AGBL1: variants seen among roughly 807,000 people sequenced by gnomAD.
The protein encoded by AGBL1 is AGBL carboxypeptidase 1.
In AGBL1, 130 loss-of-function variants were observed where a neutral mutation model predicts 118.9. That is an observed-to-expected ratio of 1.09 (90% confidence interval 0.95 to 1.26). AGBL1 has a LOEUF of 1.26. AGBL1 is among the 50% of genes most tolerant of loss of function. The pLI, the probability that AGBL1 is intolerant of heterozygous loss-of-function variation, is 0.00. For missense variants in AGBL1, 1,584 were observed against 1,298.1 expected (o/e 1.22, Z -3.38); for synonymous variants, 555 against 478.9 (o/e 1.16, Z -2.08).
At chr15:86,754,747 G>A (rs963782655) in intron 22 of AGBL1, among the ~76,000 whole-genome samples, 2 of 152,086 alleles carry the variant, frequency 1.3e-5, no homozygotes, top group Non-Finnish European at 2.9e-5. Context: ...CCTGCATAAA[G>A]TGGTTTCTTT....
intron 22 of AGBL1, among the ~76,000 whole-genome samples, chr15:86,879,674 T>G (rs949028871): frequency 2.0e-5 from 3 of 152,174 alleles, no homozygotes; most frequent in African/African-American, 7.2e-5. Flanking sequence ...TCCTTTGGCT[T>G]GATGTTCCAG....
At chr15:86,391,856 T>C (rs1413579334) in intron 17 of AGBL1, among the ~76,000 whole-genome samples, 1 of 152,088 alleles carries the variant, frequency 6.6e-6, no homozygotes, top group Non-Finnish European at 1.5e-5. Flanking sequence ...CTCAGACGTT[T>C]GCAAATACGT....
intron 21 of AGBL1, among the ~76,000 whole-genome samples, chr15:86,563,673 T>C (rs2083866784): frequency 6.6e-6 from 1 of 152,174 alleles, no homozygotes; most frequent in Non-Finnish European, 1.5e-5. Context: ...TGAGTTCAAT[T>C]CCTGGATATC....
chr15:86,148,275 A>G (rs773447688), intron 3 of AGBL1, among the ~76,000 whole-genome samples: 3 of 152,216 alleles, frequency 2.0e-5, no homozygotes, highest in Non-Finnish European at 4.4e-5. Flanking sequence ...TGGATGGAGA[A>G]TGACTGATGA....
Position 86,544,182 on chromosome 15 carries a change from C to T in AGBL1, c.2686-1820C>T, listed in dbSNP as rs542667419. Reference sequence around the variant, plus strand: ...TGCATTATGATTCCTCTGCTCTGACCCAGGTTGGCTAGGACTGGATGGTCT... The same window carrying T: ...TGCATTATGATTCCTCTGCTCTGACTCAGGTTGGCTAGGACTGGATGGTCT... On this transcript the variant is annotated intron_variant, in intron 19 of 22. Transcript: ENST00000614907. 3.3e-5 allele frequency among the ~76,000 whole-genome samples: 5 copies of T among 152,260 alleles called. No homozygotes were observed. The East Asian group carries it at 9.7e-4, about 29-fold the overall frequency.
chr15:86,898,731 G>C (rs185816663), intron 22 of AGBL1, among the ~76,000 whole-genome samples: 1 of 151,924 alleles, frequency 6.6e-6, no homozygotes, highest in Non-Finnish European at 1.5e-5. Flanking sequence ...GGCAAAGGAC[G>C]TGAACAGATA....
intron 22 of AGBL1, among the ~76,000 whole-genome samples, chr15:86,743,367 G>T (rs902644504): frequency 2.0e-5 from 3 of 152,048 alleles, no homozygotes; most frequent in Non-Finnish European, 4.4e-5. Flanking sequence ...CACTCCCCTA[G>T]GTTCTGGGGA....
At chr15:87,021,991 G>A (rs2081669385) in intron 24 of AGBL1, among the ~76,000 whole-genome samples, 1 of 152,114 alleles carries the variant, frequency 6.6e-6, no homozygotes, top group African/African-American at 2.4e-5. Flanking sequence ...AAAATCCCCA[G>A]TACTGGCCCA....
chr15:86,541,593 C>CAAAAAAAA (rs34178328), intron 19 of AGBL1, among the ~76,000 whole-genome samples: 1 of 58,194 alleles, frequency 1.7e-5, no homozygotes, highest in African/African-American at 7.0e-5. Context: ...GACTATGTCT[C>CAAAAAAAA]AAAAAAAAAA....
intron 1 of AGBL1, among the ~76,000 whole-genome samples, chr15:86,130,948 A>G (rs2076811106): frequency 6.6e-6 from 1 of 152,194 alleles, no homozygotes; most frequent in South Asian, 2.1e-4. Context: ...TGGTCTGGAC[A>G]TTTAAGATTG....
At chr15:86,671,038 A>C (rs545916635) in intron 21 of AGBL1, among the ~76,000 whole-genome samples, 4 of 152,082 alleles carry the variant, frequency 2.6e-5, no homozygotes, top group Admixed American at 2.6e-4. Context: ...CTTGCCTGAC[A>C]CTCATTTCTA....
intron 21 of AGBL1, among the ~76,000 whole-genome samples, chr15:86,649,811 T>A (rs2085341328): frequency 6.6e-6 from 1 of 152,080 alleles, no homozygotes; most frequent in Admixed American, 6.6e-5. Context: ...TGTGTGGTGT[T>A]ATATACAATT....
At chr15:86,318,491 G>GA (rs2080052202) in intron 17 of AGBL1, among the ~76,000 whole-genome samples, 1 of 146,092 alleles carries the variant, frequency 6.8e-6, no homozygotes, top group Non-Finnish European at 1.5e-5. Flanking sequence ...TTTACTCAAT[G>GA]TTTTTTTTTT....
At chr15:86,568,349 A>G (rs2083948512) in intron 21 of AGBL1, among the ~76,000 whole-genome samples, 2 of 152,152 alleles carry the variant, frequency 1.3e-5, no homozygotes, top group South Asian at 4.2e-4. Context: ...AGGATGAGCA[A>G]TGCCCCCAAG....
At position 87,016,176 on chromosome 15, in the gene AGBL1, G is replaced by A. The variant is rs183161415; in HGVS notation, c.3324-12649G>A. Among the ~76,000 whole-genome samples, 459 of 152,204 alleles carry A rather than the reference G, an allele frequency of 3.0e-3. 1 individual carries two copies. The highest frequency in any genetic ancestry group is 5.3e-3 in the Non-Finnish European group (360 of 68,004). ...TCTTGTTTAAAACGCAAACTCTCAAGTAACCCTTAAGGAGAATCTGACCCA... is the reference window on the plus strand; with the variant it reads ...TCTTGTTTAAAACGCAAACTCTCAAATAACCCTTAAGGAGAATCTGACCCA... On this transcript the variant is annotated intron_variant, in intron 24 of 24. Coordinates refer to the AGBL1 transcript ENST00000441037.
chr15:86,271,043 ATTTTTTTTT>A (rs58166692), intron 14 of AGBL1, among the ~76,000 whole-genome samples: 1 of 89,062 alleles, frequency 1.1e-5, no homozygotes, highest in Non-Finnish European at 2.0e-5. Flanking sequence ...GTCACGTTGC[ATTTTTTTTT>A]TTTTTTTTTT....
intron 19 of AGBL1, among the ~76,000 whole-genome samples, chr15:86,540,595 A>G (rs537325027): frequency 6.6e-6 from 1 of 152,260 alleles, no homozygotes; most frequent in Non-Finnish European, 1.5e-5. Context: ...TTAAAAAAAA[A>G]TAGGGCTATT....
chr15:86,285,557 C>T (rs2079428731), intron 16 of AGBL1, among the ~76,000 whole-genome samples: 1 of 152,134 alleles, frequency 6.6e-6, no homozygotes, highest in Non-Finnish European at 1.5e-5. Context: ...CTTTGCTGTT[C>T]TTTCACCTTC....
rs746425681 is a variant in AGBL1, at chr15:86,910,484, G to C, written c.*3190G>C. The stretch of plus-strand genomic sequence containing the variant: ...AAGAGCTTTCAGCAGAGGCATGCCC[G>C]TGACTGATATCAGCGCCATTTTTCC... On this transcript the variant is annotated 3_prime_UTR_variant, in exon 23 of 23. Coordinates refer to ENST00000614907, the MANE Select transcript of AGBL1 (RefSeq NM_001386094.1). The C allele has an allele frequency of 6.6e-6, 1 of 152,186 alleles. No individual in the cohort carries two copies. The highest frequency in any genetic ancestry group is 2.4e-5 in the African/African-American group (1 of 41,456). The allele number at this position is 152,186 out of a possible 1,614,324, so 9.4% of individuals were successfully genotyped here. A position where few individuals can be genotyped will look rare whatever the true frequency, so the allele number is the denominator to read the frequency against.
Sources: gnomAD v4.1 joint callset for allele counts (sites outside exome capture counted in the v4.1 genomes callset) on GRCh38, gnomAD v4.1.1 for gene constraint, MANE v1.5 for transcripts, NCBI Gene and HGNC (gene_info 2026-07-23, HGNC 2026-07-21) for gene names.